NPRL3: variants seen among roughly 807,000 people sequenced by gnomAD.
The protein encoded by NPRL3 is GATOR1 complex protein NPRL3.
NPRL3 carries 23 observed loss-of-function variants against 57.2 expected under a neutral mutation model. That is an observed-to-expected ratio of 0.40 (90% confidence interval 0.29 to 0.57). The LOEUF (loss-of-function observed/expected upper bound fraction) is 0.57. Ranked by LOEUF, NPRL3 falls within the 20% of genes least tolerant of loss-of-function variation. The pLI, the probability that NPRL3 is intolerant of heterozygous loss-of-function variation, is 0.42. For synonymous variants in NPRL3, 333 were observed against 321.1 expected, an observed-to-expected ratio of 1.04 and a Z score of -0.39; for missense variants, 691 against 767.1, an observed-to-expected ratio of 0.90 and a Z score of 1.17.
intron 5 of NPRL3, among the ~76,000 whole-genome samples, chr16:114,961 TA>T (rs1356130663): frequency 1.8e-3 from 254 of 139,990 alleles, no homozygotes; most frequent in Middle Eastern, 0.011. Flanking sequence ...TTTTTCAGAG[TA>T]AAAAAAAAAA....
chr16:86,273 G>A lies in NPRL3; in HGVS notation c.*432C>T, dbSNP rs1898465265. On this transcript the variant is annotated 3_prime_UTR_variant, in exon 14 of 14. Coordinates refer to ENST00000611875, the MANE Select transcript of NPRL3 (RefSeq NM_001077350.3). ...ACTTCACAAATAGAAGGCTGTCAGA[G>A]AGACAGGGACAGGCCACACAAGTGT... 1.1e-5 allele frequency: 2 copies of A among 185,728 alleles called. No homozygotes were observed. Among genetic ancestry groups the A allele is most frequent in the African/African-American group, 4.7e-5 (2 of 42,748 alleles). The allele number at this position is 185,728 out of a possible 1,614,324, so 11.5% of individuals were successfully genotyped here. A position where few individuals can be genotyped will look rare whatever the true frequency, so the allele number is the denominator to read the frequency against.
Position 93,255 on chromosome 16 carries a change from T to C in NPRL3, c.995A>G (p.Asn332Ser), listed in dbSNP as rs1307437472. The C allele has an allele frequency of 2.6e-6, 4 of 1,559,810 alleles. No homozygotes were observed. The highest frequency in any genetic ancestry group is 1.2e-5 in the South Asian group (1 of 84,434). The change falls in exon 10 of 14, where the codon AAC (asparagine) becomes AGC (serine). Residue 332 changes from asparagine (N) to serine (S), a missense_variant. Asn to Ser is a conservative substitution (Grantham distance 46, BLOSUM62 1). Coordinates refer to ENST00000611875, the MANE Select transcript of NPRL3 (RefSeq NM_001077350.3). The part of the protein sequence containing the change: ...AIIIYPLCEN[N>S]VYMLSPNASV... Reference sequence around the variant, plus strand: ...GGCATTGGGAGACAGCATGTAGACGTTGTTCTCACACAGCGGGTAGATGAT... The same window carrying C: ...GGCATTGGGAGACAGCATGTAGACGCTGTTCTCACACAGCGGGTAGATGAT...
At chr16:106,664 A>G (rs1259822620) in intron 7 of NPRL3, among the ~76,000 whole-genome samples, 1 of 142,844 alleles carries the variant, frequency 7.0e-6, no homozygotes, top group African/African-American at 2.5e-5. Flanking sequence ...AAAAAGAACC[A>G]GGAACAATTC....
chr16:95,384 CAA>C (rs1484202910), intron 9 of NPRL3, among the ~76,000 whole-genome samples: 3 of 116,106 alleles, frequency 2.6e-5, no homozygotes, highest in Non-Finnish European at 5.6e-5. Context: ...CACACACACA[CAA>C]TAAAATGTAT....
In NPRL3 at chr16:117,375, T is replaced by G; in HGVS notation, c.319A>C (p.Ile107Leu). The change falls in exon 5 of 14, where the codon ATC (isoleucine) becomes CTC (leucine). Residue 107 changes from isoleucine (I) to leucine (L), a missense_variant and splice_region_variant. Ile to Leu is a conservative substitution (Grantham distance 5). Transcript: ENST00000611875. ...TTCGGGGAAGGATCTGTTTTGGAGATCTGTAAAAGATGCATAATTCTAATT... is the reference window on the plus strand; with the variant it reads ...TTCGGGGAAGGATCTGTTTTGGAGAGCTGTAAAAGATGCATAATTCTAATT... ...PTLLQHALGQ[I>L]SKTDPSPKRE... The G allele has an allele frequency of 1.2e-6, 2 of 1,602,424 alleles. No individual in the cohort carries two copies. The highest frequency in any genetic ancestry group is 8.5e-7 in the Non-Finnish European group (1 of 1,171,416).
chr16:97,268 T>C (rs2141918066), intron 9 of NPRL3, among the ~76,000 whole-genome samples: 1 of 152,066 alleles, frequency 6.6e-6, no homozygotes, highest in East Asian at 1.9e-4. Flanking sequence ...CTTTTTTTTT[T>C]TTTGGAAACA....
At chr16:121,212 C>T (rs1424713835) in intron 3 of NPRL3, among the ~76,000 whole-genome samples, 2 of 152,132 alleles carry the variant, frequency 1.3e-5, no homozygotes, top group South Asian at 2.1e-4. Flanking sequence ...GCCCAGTTCG[C>T]GTTTATAAAT....
rs189313664 is a variant in NPRL3, at chr16:122,712, A to T, written c.189-3457T>A. Among the ~76,000 whole-genome samples, 405 of 152,376 alleles carry T rather than the reference A, an allele frequency of 2.7e-3. 1 individual carries two copies. The highest frequency in any genetic ancestry group is 6.9e-3 in the African/African-American group (285 of 41,588). Reference sequence around the variant, plus strand: ...GCCAGAAAACAGGCCAGGACCTTCTATCACTGCCGAGCTATTCTGGAGTAG... The same window carrying T: ...GCCAGAAAACAGGCCAGGACCTTCTTTCACTGCCGAGCTATTCTGGAGTAG... On this transcript the variant is annotated intron_variant, in intron 3 of 13. Transcript: ENST00000611875.
At position 86,661 on chromosome 16, in the gene NPRL3, C is replaced by T. The variant is rs1008683081; in HGVS notation, c.*44G>A. On this transcript the variant is annotated 3_prime_UTR_variant, in exon 14 of 14. Coordinates refer to ENST00000611875, the MANE Select transcript of NPRL3 (RefSeq NM_001077350.3). ...GAGCCCTGGGGTGGGGAGACGCGAG[C>T]GCCCACCTGCGCACCCCAGCAGCCT... 4.0e-6 allele frequency: 6 copies of T among 1,514,296 alleles called. No individual in the cohort carries two copies. Among genetic ancestry groups the T allele is most frequent in the East Asian group, 2.5e-5 (1 of 40,356 alleles). The allele number at this position is 1,514,296 out of a possible 1,614,324, so 93.8% of individuals were successfully genotyped here.
chr16:109,754 G>A (rs1484640559), intron 7 of NPRL3, among the ~76,000 whole-genome samples: 1 of 152,080 alleles, frequency 6.6e-6, no homozygotes, highest in African/African-American at 2.4e-5. Context: ...TGAAATTGTG[G>A]ATCTTAACCA....
chr16:126,387 C>G (rs1030720357), intron 3 of NPRL3: 1 of 150,780 alleles, frequency 6.6e-6, no homozygotes, highest in Non-Finnish European at 1.5e-5. Context: ...CGCCATTGCA[C>G]CCCAGCCTGG....
At chr16:124,082 C>T (rs557491405) in intron 3 of NPRL3, among the ~76,000 whole-genome samples, 5 of 128,724 alleles carry the variant, frequency 3.9e-5, no homozygotes, top group East Asian at 4.9e-4. Context: ...ACACTCCCCA[C>T]GCTGAGAAAC....
At position 85,476 on chromosome 16, in the gene NPRL3, CCCT is replaced by C. The variant is rs765052101; in HGVS notation, c.*1226_*1228del. ...GAGACCATGCGTCAGCTTCGCAGCA[CCCT>C]CCGGAAAGGCACCGCCAGCCGTGTC... On this transcript the variant is annotated 3_prime_UTR_variant, in exon 14 of 14. Coordinates refer to ENST00000611875, the MANE Select transcript of NPRL3 (RefSeq NM_001077350.3). 6.2e-7 allele frequency: 1 copy of C among 1,613,170 alleles called. No individual in the cohort carries two copies. Among genetic ancestry groups the C allele is most frequent in the South Asian group, 1.1e-5 (1 of 91,080 alleles).
At chr16:136,525 T>TA (rs1240576828) in intron 2 of NPRL3, among the ~76,000 whole-genome samples, 16 of 129,564 alleles carry the variant, frequency 1.2e-4, no homozygotes, top group Admixed American at 2.6e-4. Context: ...CCATCTCTAC[T>TA]AAAAATAAAA....
chr16:135,893 G>C (rs139440561), intron 2 of NPRL3, among the ~76,000 whole-genome samples: 2 of 151,984 alleles, frequency 1.3e-5, no homozygotes, highest in Non-Finnish European at 2.9e-5. Flanking sequence ...CAACCCAAGA[G>C]AACATTAGGC....
At chr16:90,489 AC>A (rs1898717669) in intron 11 of NPRL3, 1 of 152,430 alleles carries the variant, frequency 6.6e-6, no homozygotes, top group Non-Finnish European at 1.5e-5. Flanking sequence ...CCCCACCCCC[AC>A]CGTGAGAAGG....
At chr16:87,805 C>T (rs917775555) in intron 13 of NPRL3, among the ~76,000 whole-genome samples, 2 of 143,032 alleles carry the variant, frequency 1.4e-5, no homozygotes, top group South Asian at 2.3e-4. Context: ...CTCCTGACCT[C>T]GTGATCCACC....
At chr16:134,907 T>TAG (rs1043033134) in intron 2 of NPRL3, among the ~76,000 whole-genome samples, 1 of 151,398 alleles carries the variant, frequency 6.6e-6, no homozygotes, top group Non-Finnish European at 1.5e-5. Context: ...TTCACCTTGT[T>TAG]AGCCAGGATG....
At chr16:110,099 G>A (rs990712336) in intron 7 of NPRL3, among the ~76,000 whole-genome samples, 4 of 152,060 alleles carry the variant, frequency 2.6e-5, no homozygotes, top group East Asian at 1.9e-4. Flanking sequence ...CAGAAACCCC[G>A]TCTCTACTAA....
Sources: allele counts gnomAD v4.1 joint callset (sites outside exome capture counted in the v4.1 genomes callset), GRCh38; gene constraint gnomAD v4.1.1; transcripts MANE v1.5; gene names NCBI Gene and HGNC (gene_info 2026-07-23, HGNC 2026-07-21).